Variants in CLASP1 observed in about 807,000 individuals in gnomAD.
CLASP1 encodes the protein CLIP-associating protein 1.
Under a neutral mutation model 192.3 loss-of-function variants are expected in CLASP1, and 38 were observed. That is an observed-to-expected ratio of 0.20 (90% confidence interval 0.15 to 0.26). The LOEUF is 0.26. CLASP1 is among the 10% of genes least tolerant of loss of function. CLASP1 has a pLI of 1.00. For synonymous variants in CLASP1, 691 were observed against 712.8 expected, an observed-to-expected ratio of 0.97 and a Z score of 0.49; for missense variants, 1,433 against 1,932.5, an observed-to-expected ratio of 0.74 and a Z score of 4.85.
At chr2:121,349,096 C>A (rs372830521) in intron 37 of CLASP1, among the ~76,000 whole-genome samples, 3 of 151,990 alleles carry the variant, frequency 2.0e-5, no homozygotes, top group Non-Finnish European at 4.4e-5. Flanking sequence ...AAAAATTAGC[C>A]GGACGTGTTG....
intron 2 of CLASP1, among the ~76,000 whole-genome samples, chr2:121,600,839 C>T (rs375952637): frequency 2.7e-4 from 41 of 152,312 alleles, no homozygotes; most frequent in Middle Eastern, 3.4e-3. Flanking sequence ...TGGTCACATG[C>T]TTCACTCAAG....
chr2:121,382,306 A>G lies in CLASP1; in HGVS notation c.3393T>C (p.Ser1131=). The G allele has an allele frequency of 1.3e-6, 2 of 1,579,792 alleles. 1 individual carries two copies. The highest frequency in any genetic ancestry group is 2.3e-5 in the South Asian group (2 of 85,574). The change falls in exon 33 of 40, where the codon AGT becomes AGC. Residue 1131 remains serine, a synonymous_variant. Coordinates refer to ENST00000263710, the Ensembl canonical transcript of CLASP1. Reference sequence around the variant, plus strand: ...GTGGGTGCTTCGCTAACCCGTCGGCACTCCAACCCCATAACCGACTGCAGT... The same window carrying G: ...GTGGGTGCTTCGCTAACCCGTCGGCGCTCCAACCCCATAACCGACTGCAGT...
intron 8 of CLASP1, among the ~76,000 whole-genome samples, chr2:121,500,360 GAAAGAAAGAAAGAAAGAA>G (rs2093698805): frequency 1.0e-5 from 1 of 99,674 alleles, no homozygotes; most frequent in African/African-American, 4.6e-5. Flanking sequence ...AAGAAAGAAA[GAAAGAAAGAAAGAAAGAA>G]AGAAAGAAAG....
chr2:121,538,764 G>A (rs1435064381), intron 2 of CLASP1, among the ~76,000 whole-genome samples: 1 of 149,488 alleles, frequency 6.7e-6, no homozygotes, highest in African/African-American at 2.5e-5. Context: ...CAGCCTGGGC[G>A]ACAGAGCAAG....
chr2:121,458,325 AT>A (rs1242904990), intron 13 of CLASP1, among the ~76,000 whole-genome samples: 1 of 152,226 alleles, frequency 6.6e-6, no homozygotes, highest in Non-Finnish European at 1.5e-5. Context: ...GAACTATTAG[AT>A]TTTGTTAAAA....
intron 6 of CLASP1, among the ~76,000 whole-genome samples, chr2:121,524,310 G>C (rs1224090724): frequency 6.6e-6 from 1 of 152,060 alleles, no homozygotes; most frequent in Non-Finnish European, 1.5e-5. Context: ...AAAACCAAAA[G>C]GGAGGAAGGA....
intron 8 of CLASP1, among the ~76,000 whole-genome samples, chr2:121,492,042 A>G (rs568727131): frequency 6.6e-6 from 1 of 152,352 alleles, no homozygotes; most frequent in Non-Finnish European, 1.5e-5. Context: ...TTCACAAGCA[A>G]CAAAAGAAAA....
At chr2:121,373,165 TAGTG>T (rs1347339332) in intron 34 of CLASP1, among the ~76,000 whole-genome samples, 4 of 152,202 alleles carry the variant, frequency 2.6e-5, no homozygotes, top group East Asian at 1.9e-4. Context: ...GTTCTCATGA[TAGTG>T]AGTGAGTTCT....
chr2:121,391,714 C>T (rs754321453), intron 30 of CLASP1, among the ~76,000 whole-genome samples: 3 of 152,112 alleles, frequency 2.0e-5, no homozygotes, highest in Non-Finnish European at 2.9e-5. Context: ...ACCAGCCTGG[C>T]CAACATGGTG....
intron 19 of CLASP1, chr2:121,445,473 T>A (rs916804003): frequency 3.9e-6 from 5 of 1,289,630 alleles, no homozygotes; most frequent in Non-Finnish European, 5.1e-6. Context: ...ATGTACTCCA[T>A]GTCTTCCCTC....
intron 8 of CLASP1, among the ~76,000 whole-genome samples, chr2:121,497,812 C>T (rs956395441): frequency 3.9e-5 from 6 of 152,090 alleles, no homozygotes; most frequent in Non-Finnish European, 5.9e-5. Flanking sequence ...CTCCACCTCC[C>T]AGGTTCAAGC....
intron 30 of CLASP1, among the ~76,000 whole-genome samples, chr2:121,393,184 T>C (rs1343891222): frequency 6.6e-6 from 1 of 152,198 alleles, no homozygotes; most frequent in African/African-American, 2.4e-5. Context: ...CATAAAATAT[T>C]CTCCAGAGAT....
chr2:121,490,619 G>T (rs1403806579), intron 8 of CLASP1, among the ~76,000 whole-genome samples: 1 of 152,088 alleles, frequency 6.6e-6, no homozygotes, highest in Non-Finnish European at 1.5e-5. Context: ...ATCTTAAAAA[G>T]AAAAATATCA....
chr2:121,481,507 A>C (rs1027478715), intron 8 of CLASP1, among the ~76,000 whole-genome samples: 2 of 152,226 alleles, frequency 1.3e-5, no homozygotes, highest in African/African-American at 4.8e-5. Context: ...GAAAGAAAAT[A>C]ATTTGTCATT....
At chr2:121,476,649 A>G (rs2091651385) in intron 8 of CLASP1, among the ~76,000 whole-genome samples, 1 of 152,238 alleles carries the variant, frequency 6.6e-6, no homozygotes, top group African/African-American at 2.4e-5. Context: ...TTTGATGGAT[A>G]GAAGCCCAAT....
At chr2:121,633,458 T>C (rs546343060) in intron 1 of CLASP1, among the ~76,000 whole-genome samples, 62 of 152,210 alleles carry the variant, frequency 4.1e-4, no homozygotes, top group Admixed American at 1.0e-3. Flanking sequence ...AATTCCAAAA[T>C]TGAATCACTG....
intron 10 of CLASP1, among the ~76,000 whole-genome samples, chr2:121,461,429 T>A (rs2087926399): frequency 6.6e-6 from 1 of 152,224 alleles, no homozygotes; most frequent in Admixed American, 6.5e-5. Flanking sequence ...ATAGCTTTAC[T>A]ATAAACTTAA....
At chr2:121,538,465 T>C (rs1441089196) in intron 2 of CLASP1, among the ~76,000 whole-genome samples, 1 of 150,660 alleles carries the variant, frequency 6.6e-6, no homozygotes, top group Non-Finnish European at 1.5e-5. Context: ...ATTATCATTC[T>C]GAATGGAAAA....
chr2:121,587,899 G>A (rs1240104775), intron 2 of CLASP1, among the ~76,000 whole-genome samples: 2 of 151,288 alleles, frequency 1.3e-5, no homozygotes, highest in African/African-American at 2.4e-5. Flanking sequence ...TCGGCCAGGC[G>A]CAGTGGCTCA....
Sources: gnomAD v4.1 joint callset for allele counts (sites outside exome capture counted in the v4.1 genomes callset) on GRCh38, gnomAD v4.1.1 for gene constraint, MANE v1.5 for transcripts, NCBI Gene and HGNC (gene_info 2026-07-23, HGNC 2026-07-21) for gene names.